The following TTC28 variants were observed in gnomAD, a reference collection of about 807,000 sequenced individuals.
TTC28 encodes tetratricopeptide repeat domain 28, also known as tetratricopeptide repeat protein 28.
A neutral mutation model predicts 198.0 loss-of-function variants in TTC28; 61 were observed. The observed-to-expected ratio is 0.31, with a 90% CI of 0.25 to 0.38. TTC28 has a LOEUF of 0.38. TTC28 is among the 10% of genes least tolerant of loss of function. The probability of loss-of-function intolerance (pLI) is 1.00; values close to 1 mark genes in which losing one functional copy is unlikely to be tolerated. For missense variants in TTC28, 2,678 were observed against 3,164.0 expected (o/e 0.85, Z 3.69); for synonymous variants, 1,171 against 1,297.8 (o/e 0.90, Z 2.10).
intron 2 of TTC28, among the ~76,000 whole-genome samples, chr22:28,438,992 A>G (rs1011474426): frequency 1.3e-5 from 2 of 152,110 alleles, no homozygotes; most frequent in African/African-American, 4.8e-5. Flanking sequence ...GTGACAAAAT[A>G]TTCTGGTTTT....
intron 2 of TTC28, among the ~76,000 whole-genome samples, chr22:28,599,007 C>A (rs764261369): frequency 6.6e-6 from 1 of 152,140 alleles, no homozygotes; most frequent in East Asian, 1.9e-4. Context: ...TCTTACAAGA[C>A]AAACACACAT....
chr22:28,344,228 C>T (rs192412910), intron 2 of TTC28, among the ~76,000 whole-genome samples: 4 of 151,132 alleles, frequency 2.6e-5, no homozygotes, highest in Admixed American at 2.0e-4. Context: ...TGCTACTCAC[C>T]GAAGAAGAAT....
chr22:28,390,092 C>T (rs1389804925), intron 2 of TTC28, among the ~76,000 whole-genome samples: 26 of 151,884 alleles, frequency 1.7e-4, no homozygotes, highest in African/African-American at 4.1e-4. Context: ...GCCTTCATTT[C>T]GTTATGTACC....
intron 13 of TTC28, among the ~76,000 whole-genome samples, chr22:28,015,024 C>G (rs1194338858): frequency 6.6e-6 from 1 of 152,192 alleles, no homozygotes; most frequent in East Asian, 1.9e-4. Flanking sequence ...TGTTTCCAGG[C>G]ATAGTTTTAT....
intron 2 of TTC28, among the ~76,000 whole-genome samples, chr22:28,477,356 C>T (rs188554288): frequency 4.9e-4 from 74 of 152,324 alleles, no homozygotes; most frequent in Non-Finnish European, 9.1e-4. Context: ...AAAACCCAAA[C>T]TCCTTCCCAT....
chr22:28,173,874 T>G (rs1385526855), intron 5 of TTC28, among the ~76,000 whole-genome samples: 1 of 152,234 alleles, frequency 6.6e-6, no homozygotes, highest in African/African-American at 2.4e-5. Flanking sequence ...TCATAAGGGT[T>G]ATATTTTGTG....
chr22:28,052,921 ATATAT>A (rs1360760115), intron 12 of TTC28, among the ~76,000 whole-genome samples: 1 of 152,214 alleles, frequency 6.6e-6, no homozygotes, highest in Non-Finnish European at 1.5e-5. Context: ...AGAGACGTAA[ATATAT>A]TATATGTCCT....
intron 5 of TTC28, among the ~76,000 whole-genome samples, chr22:28,225,696 GT>G (rs1157493369): frequency 6.6e-6 from 1 of 152,168 alleles, no homozygotes; most frequent in African/African-American, 2.4e-5. Flanking sequence ...GTGTACACTT[GT>G]AAAATCACCA....
intron 13 of TTC28, among the ~76,000 whole-genome samples, chr22:28,015,594 T>TG (rs1258057976): frequency 8.0e-6 from 1 of 124,682 alleles, no homozygotes. Context: ...AGCTAATTTG[T>TG]AAATTTTTTT....
intron 6 of TTC28, among the ~76,000 whole-genome samples, chr22:28,134,771 T>A (rs1271769846): frequency 6.6e-6 from 1 of 152,170 alleles, no homozygotes; most frequent in African/African-American, 2.4e-5. Context: ...TGGAAAACAC[T>A]CTGCAGGATA....
At chr22:28,133,933 T>C (rs928202569) in intron 6 of TTC28, among the ~76,000 whole-genome samples, 3 of 152,214 alleles carry the variant, frequency 2.0e-5, no homozygotes, top group Non-Finnish European at 4.4e-5. Flanking sequence ...CCCTGACCCC[T>C]GAATAGCCTA....
intron 5 of TTC28, among the ~76,000 whole-genome samples, chr22:28,268,110 GT>G (rs1241435391): frequency 2.6e-5 from 4 of 152,156 alleles, no homozygotes; most frequent in Non-Finnish European, 5.9e-5. Context: ...CAGATTAATG[GT>G]CTGGTCCCTG....
intron 2 of TTC28, among the ~76,000 whole-genome samples, chr22:28,388,668 T>C (rs2046659403): frequency 1.3e-5 from 2 of 152,220 alleles, no homozygotes; most frequent in Admixed American, 1.3e-4. Flanking sequence ...ATAAGAACGC[T>C]TGTGACTTTT....
chr22:28,611,908 G>A (rs538510770), intron 2 of TTC28, among the ~76,000 whole-genome samples: 1 of 151,960 alleles, frequency 6.6e-6, no homozygotes, highest in Non-Finnish European at 1.5e-5. Flanking sequence ...GCTCCTGAAG[G>A]AAGCACTGCA....
intron 21 of TTC28, among the ~76,000 whole-genome samples, chr22:27,987,656 G>A (rs1320735264): frequency 2.6e-5 from 4 of 152,000 alleles, no homozygotes; most frequent in Admixed American, 1.3e-4. Context: ...AGCTGAGCTC[G>A]CGCCACTGCA....
At chr22:28,490,061 G>A (rs977237590) in intron 2 of TTC28, among the ~76,000 whole-genome samples, 2 of 152,092 alleles carry the variant, frequency 1.3e-5, no homozygotes, top group African/African-American at 2.4e-5. Context: ...GTCTTTTCAC[G>A]TTTTTCTGCC....
At chr22:28,504,137 A>T (rs2048571946) in intron 2 of TTC28, among the ~76,000 whole-genome samples, 1 of 152,226 alleles carries the variant, frequency 6.6e-6, no homozygotes, top group African/African-American at 2.4e-5. Context: ...CTGATCATGA[A>T]TATGGTAAAG....
intron 12 of TTC28, among the ~76,000 whole-genome samples, chr22:28,090,322 A>T (rs977786613): frequency 1.3e-5 from 2 of 152,062 alleles, no homozygotes; most frequent in African/African-American, 4.8e-5. Context: ...ATATACAGTA[A>T]TTCTATATCC....
chr22:28,301,741 T>C (rs1569247741), intron 3 of TTC28, among the ~76,000 whole-genome samples: 1 of 152,196 alleles, frequency 6.6e-6, no homozygotes, highest in Non-Finnish European at 1.5e-5. Context: ...GTTTTTTTCT[T>C]TCTTTGTAAT....
Sources: gnomAD v4.1 joint callset for allele counts (sites outside exome capture counted in the v4.1 genomes callset) on GRCh38, gnomAD v4.1.1 for gene constraint, MANE v1.5 for transcripts, NCBI Gene and HGNC (gene_info 2026-07-23, HGNC 2026-07-21) for gene names.